The following CDIN1 variants were observed in gnomAD, a reference collection of about 807,000 sequenced individuals.
CDIN1 encodes the protein CDAN1-interacting nuclease 1.
CDIN1 carries 33 observed loss-of-function variants against 45.3 expected under a neutral mutation model. The observed-to-expected ratio is 0.73, with a 90% confidence interval of 0.55 to 0.97. CDIN1 has a LOEUF of 0.97. Ranked by LOEUF, CDIN1 falls within the 50% of genes least tolerant of loss-of-function variation. The pLI, the probability that CDIN1 is intolerant of heterozygous loss-of-function variation, is 0.00. For synonymous variants in CDIN1, 118 were observed against 124.4 expected, an observed-to-expected ratio of 0.95 and a Z score of 0.34; for missense variants, 303 against 339.4, an observed-to-expected ratio of 0.89 and a Z score of 0.84.
chr15:36,652,676 A>G (rs553343138), intron 3 of CDIN1, among the ~76,000 whole-genome samples: 4 of 152,306 alleles, frequency 2.6e-5, no homozygotes, highest in South Asian at 2.1e-4. Flanking sequence ...GGTGGCCCCA[A>G]TATGTGGAAA....
intron 5 of CDIN1, among the ~76,000 whole-genome samples, chr15:36,680,966 G>C (rs12907177): frequency 0.38 from 58,331 of 151,830 alleles, 11,503 homozygotes; most frequent in East Asian, 0.63. Context: ...AACAATTCTT[G>C]CTGAAAATAA....
chr15:36,728,257 T>A (rs1309657210), intron 10 of CDIN1, among the ~76,000 whole-genome samples: 1 of 152,194 alleles, frequency 6.6e-6, no homozygotes, highest in African/African-American at 2.4e-5. Flanking sequence ...AGGAAACAGA[T>A]GACTTAGAAG....
intron 1 of CDIN1, chr15:36,617,117 C>T (rs977989604): frequency 2.1e-6 from 2 of 933,100 alleles, no homozygotes; most frequent in African/African-American, 3.2e-5. Flanking sequence ...CAGGTAACAT[C>T]TAAAGGAACT....
chr15:36,580,108 A>T (rs1211486006), intron 1 of CDIN1, 147 bp downstream of exon 1: 1 of 682,208 alleles, frequency 1.5e-6, no homozygotes, highest in Non-Finnish European at 2.5e-6. Context: ...TGGCGAAAAA[A>T]GGTTTATTCT....
intron 8 of CDIN1, chr15:36,709,001 GA>G: frequency 5.3e-6 from 2 of 376,074 alleles, no homozygotes. Context: ...TTATAATAAC[GA>G]AAACATGCAG....
intron 10 of CDIN1, among the ~76,000 whole-genome samples, chr15:36,715,472 A>G (rs1402680387): frequency 1.3e-5 from 2 of 152,168 alleles, no homozygotes; most frequent in Non-Finnish European, 2.9e-5. Flanking sequence ...AGATACTTTC[A>G]GGAACCCTGC....
At chr15:36,708,380 A>G (rs774017816) in intron 8 of CDIN1, 2 of 152,110 alleles carry the variant, frequency 1.3e-5, no homozygotes, top group African/African-American at 4.8e-5. Context: ...TCCAAAATCT[A>G]ATGGAGAACT....
intron 10 of CDIN1, among the ~76,000 whole-genome samples, chr15:36,794,726 GTTCT>G (rs1212353623): frequency 2.0e-5 from 3 of 151,984 alleles, no homozygotes; most frequent in Non-Finnish European, 4.4e-5. Flanking sequence ...GGGTTGCTTT[GTTCT>G]TTCTCTTTTT....
chr15:36,635,959 CAG>C (rs1350400300), intron 1 of CDIN1, among the ~76,000 whole-genome samples: 1 of 151,614 alleles, frequency 6.6e-6, no homozygotes, highest in African/African-American at 2.4e-5. Flanking sequence ...AACTAAGAAA[CAG>C]AGGATACAGT....
intron 1 of CDIN1, among the ~76,000 whole-genome samples, chr15:36,624,777 T>G (rs1282660599): frequency 2.0e-5 from 3 of 152,134 alleles, no homozygotes; most frequent in Non-Finnish European, 4.4e-5. Context: ...TTAATATAAC[T>G]GAGAATTTAT....
intron 10 of CDIN1, among the ~76,000 whole-genome samples, chr15:36,767,862 C>T (rs534725669): frequency 3.9e-5 from 6 of 152,276 alleles, no homozygotes; most frequent in African/African-American, 1.4e-4. Flanking sequence ...ATAAGTGTTT[C>T]TAATTTGCCT....
chr15:36,613,396 C>T, intron 1 of CDIN1: 1 of 1,078,126 alleles, frequency 9.3e-7, no homozygotes, highest in Non-Finnish European at 1.4e-6. Flanking sequence ...CTTAAGAACT[C>T]AGTTTTGGAG....
At chr15:36,756,096 C>T (rs952205330) in intron 10 of CDIN1, 3 of 455,938 alleles carry the variant, frequency 6.6e-6, no homozygotes, top group Non-Finnish European at 1.3e-5. Context: ...ATAAGTTTGA[C>T]CCCGAACATG....
chr15:36,797,003 G>T (rs1358999924), intron 10 of CDIN1, among the ~76,000 whole-genome samples: 1 of 152,178 alleles, frequency 6.6e-6, no homozygotes, highest in Admixed American at 6.5e-5. Context: ...TACAGAAACT[G>T]TAAGATTCTC....
At chr15:36,802,628 A>G (rs1043917832) in intron 10 of CDIN1, among the ~76,000 whole-genome samples, 2 of 152,096 alleles carry the variant, frequency 1.3e-5, no homozygotes, top group African/African-American at 4.8e-5. Context: ...GAATTATAGG[A>G]TAGTGTTAGA....
intron 1 of CDIN1, chr15:36,591,778 T>C (rs931876350): frequency 2.6e-5 from 4 of 152,216 alleles, no homozygotes; most frequent in African/African-American, 9.6e-5. Flanking sequence ...CTGTTAATGT[T>C]GCAGATGCAG....
chr15:36,691,592 A>G (rs758277099), intron 5 of CDIN1, 93 bp from the exon 6 acceptor site: 18 of 721,280 alleles, frequency 2.5e-5, no homozygotes, highest in Non-Finnish European at 4.0e-5. Context: ...TTTTGTTTTC[A>G]TGGTTTGTGT....
chr15:36,604,239 C>T (rs946974353), intron 1 of CDIN1, among the ~76,000 whole-genome samples: 1 of 150,928 alleles, frequency 6.6e-6, no homozygotes, highest in African/African-American at 2.4e-5. Context: ...AGGTCTCTGT[C>T]ATTAACAGTA....
At chr15:36,794,868 T>G (rs2054749855) in intron 10 of CDIN1, among the ~76,000 whole-genome samples, 1 of 152,110 alleles carries the variant, frequency 6.6e-6, no homozygotes, top group Non-Finnish European at 1.5e-5. Context: ...ATAACAAAGA[T>G]ATAGAATCAA....
Sources: allele counts gnomAD v4.1 joint callset (sites outside exome capture counted in the v4.1 genomes callset), GRCh38; gene constraint gnomAD v4.1.1; transcripts MANE v1.5; gene names NCBI Gene and HGNC (gene_info 2026-07-23, HGNC 2026-07-21).